The following GABRB1 variants were observed in gnomAD, a reference collection of about 807,000 sequenced individuals.
GABRB1 encodes gamma-aminobutyric acid receptor subunit beta-1.
GABRB1 carries 17 observed loss-of-function variants against 51.6 expected under a neutral mutation model. The observed-to-expected ratio is 0.33, with a 90% CI of 0.23 to 0.49. GABRB1 has a LOEUF of 0.49. GABRB1 is among the 20% of genes least tolerant of loss of function. The pLI, the probability that GABRB1 is intolerant of heterozygous loss-of-function variation, is 0.99. For synonymous variants in GABRB1, 247 were observed against 218.9 expected (o/e 1.13, Z -1.14); for missense variants, 410 against 600.6 (o/e 0.68, Z 3.32).
intron 3 of GABRB1, among the ~76,000 whole-genome samples, chr4:47,118,269 T>C (rs1399644849): frequency 6.6e-6 from 1 of 152,126 alleles, no homozygotes; most frequent in Non-Finnish European, 1.5e-5. Context: ...TTTAAAATAC[T>C]AGTTTGCTTT....
intron 5 of GABRB1, among the ~76,000 whole-genome samples, chr4:47,376,775 G>A (rs1474057235): frequency 3.3e-5 from 5 of 152,230 alleles, no homozygotes; most frequent in Non-Finnish European, 5.9e-5. Context: ...GGAAGAGGCA[G>A]TGACAGTAAT....
intron 5 of GABRB1, among the ~76,000 whole-genome samples, chr4:47,399,812 G>A: frequency 6.6e-6 from 1 of 152,064 alleles, no homozygotes; most frequent in East Asian, 1.9e-4. Flanking sequence ...TTCCAGCATT[G>A]TGTATAAGAA....
At chr4:47,009,075 A>G (rs1724506874) in intron 1 of GABRB1, among the ~76,000 whole-genome samples, 1 of 148,898 alleles carries the variant, frequency 6.7e-6, no homozygotes, top group Non-Finnish European at 1.5e-5. Context: ...TGTGTTAACC[A>G]GGATGGTCTC....
intron 5 of GABRB1, among the ~76,000 whole-genome samples, chr4:47,376,259 C>A (rs1245240248): frequency 6.6e-6 from 1 of 152,114 alleles, no homozygotes; most frequent in African/African-American, 2.4e-5. Context: ...AGGAGGTGAG[C>A]CTTTCTGAGA....
intron 3 of GABRB1, among the ~76,000 whole-genome samples, chr4:47,123,834 AT>A (rs1401607121): frequency 2.4e-5 from 2 of 81,926 alleles, no homozygotes; most frequent in East Asian, 7.8e-4. Flanking sequence ...TATATTATAT[AT>A]TATATTATAT....
rs148858432 is a variant in GABRB1, at chr4:47,211,865, T to A, written c.461+50396T>A. ...CACTTTTTCTCACCTGATTCCAGTC[T>A]GTTTTTGACTGTCTTTTCTCCCTCT... On this transcript the variant is annotated intron_variant, in intron 4 of 8. Transcript: ENST00000295454. Among the ~76,000 whole-genome samples, 440 of 152,308 alleles carry A rather than the reference T, an allele frequency of 2.9e-3. 3 individuals carry two copies. The highest frequency in any genetic ancestry group is 0.01 in the African/African-American group (430 of 41,572).
At chr4:47,416,128 G>A (rs1315297883) in intron 8 of GABRB1, among the ~76,000 whole-genome samples, 1 of 152,144 alleles carries the variant, frequency 6.6e-6, no homozygotes, top group Non-Finnish European at 1.5e-5. Flanking sequence ...GGCAGATGAC[G>A]ATAATTATAG....
intron 4 of GABRB1, among the ~76,000 whole-genome samples, chr4:47,197,070 T>C (rs953050101): frequency 2.0e-5 from 3 of 152,252 alleles, no homozygotes; most frequent in Non-Finnish European, 4.4e-5. Context: ...GCCAGGCCCA[T>C]GGCCTCCTGG....
intron 4 of GABRB1, among the ~76,000 whole-genome samples, chr4:47,161,707 G>A (rs898333242): frequency 1.3e-4 from 20 of 152,000 alleles, no homozygotes; most frequent in Non-Finnish European, 1.5e-4. Flanking sequence ...ACTGTAACCT[G>A]TTATTATAGG....
At chr4:47,259,343 AAAT>A (rs1722335076) in intron 4 of GABRB1, among the ~76,000 whole-genome samples, 1 of 152,176 alleles carries the variant, frequency 6.6e-6, no homozygotes. Context: ...AGAAAATAAA[AAAT>A]AATAAAAATA....
intron 5 of GABRB1, among the ~76,000 whole-genome samples, chr4:47,355,571 T>G (rs1726536947): frequency 6.6e-6 from 1 of 152,128 alleles, no homozygotes. Context: ...GTCTAAAGGG[T>G]TTCTGAGGTC....
chr4:47,342,688 A>G (rs1255395872), intron 5 of GABRB1, among the ~76,000 whole-genome samples: 1 of 152,174 alleles, frequency 6.6e-6, no homozygotes, highest in Admixed American at 6.6e-5. Context: ...GTATTCAGAA[A>G]GAGGGCCCTG....
chr4:47,368,300 T>C (rs1727060227), intron 5 of GABRB1, among the ~76,000 whole-genome samples: 3 of 152,200 alleles, frequency 2.0e-5, no homozygotes, highest in Non-Finnish European at 4.4e-5. Context: ...GTTGGTATTA[T>C]CTACTCCCCA....
intron 4 of GABRB1, among the ~76,000 whole-genome samples, chr4:47,182,940 G>A (rs1228831682): frequency 6.6e-6 from 1 of 151,782 alleles, no homozygotes; most frequent in Non-Finnish European, 1.5e-5. Context: ...ATTCCCATAT[G>A]CCAATTGTTT....
At chr4:47,244,899 T>A (rs909019083) in intron 4 of GABRB1, among the ~76,000 whole-genome samples, 2 of 152,042 alleles carry the variant, frequency 1.3e-5, no homozygotes, top group African/African-American at 2.4e-5. Context: ...GCACGAAAGA[T>A]CTAAAATTGA....
At chr4:47,128,686 G>C (rs189707965) in intron 3 of GABRB1, among the ~76,000 whole-genome samples, 65 of 151,948 alleles carry the variant, frequency 4.3e-4, no homozygotes, top group African/African-American at 1.5e-3. Flanking sequence ...ATATTTCAGA[G>C]TTTTGCCCCT....
intron 5 of GABRB1, among the ~76,000 whole-genome samples, chr4:47,400,929 T>G (rs113582395): frequency 0.035 from 4,460 of 127,122 alleles, 223 homozygotes; most frequent in African/African-American, 0.11. Context: ...CTCTTTTTTT[T>G]TTTTTTTTTT....
At chr4:47,338,657 A>G (rs1725783450) in intron 5 of GABRB1, among the ~76,000 whole-genome samples, 1 of 152,160 alleles carries the variant, frequency 6.6e-6, no homozygotes, top group African/African-American at 2.4e-5. Context: ...TGTGTACCTC[A>G]TTGCTAAGCA....
chr4:47,281,918 G>A (rs555899393), intron 4 of GABRB1, among the ~76,000 whole-genome samples: 1 of 152,212 alleles, frequency 6.6e-6, no homozygotes, highest in East Asian at 1.9e-4. Context: ...GTTGATCAAA[G>A]GATACAAAGT....
Sources: allele counts gnomAD v4.1 joint callset (sites outside exome capture counted in the v4.1 genomes callset), GRCh38; gene constraint gnomAD v4.1.1; transcripts MANE v1.5; gene names NCBI Gene and HGNC (gene_info 2026-07-23, HGNC 2026-07-21).